ARHGAP15: variants seen among roughly 807,000 people sequenced by gnomAD.
ARHGAP15 encodes Rho GTPase activating protein 15.
In ARHGAP15, 51 loss-of-function variants were observed where a neutral mutation model predicts 63.7. The observed-to-expected ratio is 0.80, with a 90% CI of 0.64 to 1.01. The LOEUF is 1.01. Ranked by LOEUF, ARHGAP15 falls within the 50% of genes least tolerant of loss-of-function variation. The pLI, the probability that ARHGAP15 is intolerant of heterozygous loss-of-function variation, is 0.00. For missense variants in ARHGAP15, 560 were observed against 564.6 expected (o/e 0.99, Z 0.08); for synonymous variants, 191 against 193.8 (o/e 0.99, Z 0.12).
chr2:143,578,112 T>A (rs995322831), intron 11 of ARHGAP15, among the ~76,000 whole-genome samples: 24 of 152,128 alleles, frequency 1.6e-4, no homozygotes, highest in African/African-American at 5.3e-4. Flanking sequence ...TCACAGCAAT[T>A]GATTGGTTCA....
chr2:143,542,658 TTA>T (rs999530464), intron 10 of ARHGAP15, among the ~76,000 whole-genome samples: 8 of 130,116 alleles, frequency 6.1e-5, no homozygotes, highest in South Asian at 2.3e-4. Context: ...ATGATATATA[TTA>T]TATATATGAT....
At chr2:143,239,773 C>G (rs1693788912) in intron 5 of ARHGAP15, among the ~76,000 whole-genome samples, 1 of 151,940 alleles carries the variant, frequency 6.6e-6, no homozygotes, top group Admixed American at 6.6e-5. Flanking sequence ...GGTGGATCAC[C>G]TGAGGTCAGG....
chr2:143,350,726 C>A (rs1441084079), intron 6 of ARHGAP15, among the ~76,000 whole-genome samples: 1 of 143,024 alleles, frequency 7.0e-6, no homozygotes, highest in Non-Finnish European at 1.5e-5. Context: ...GTAGTCCCAA[C>A]TACTCAGAAG....
chr2:143,336,227 C>T (rs1392297130), intron 6 of ARHGAP15, among the ~76,000 whole-genome samples: 2 of 152,036 alleles, frequency 1.3e-5, no homozygotes, highest in Non-Finnish European at 2.9e-5. Flanking sequence ...CAGCCTCCAG[C>T]TTGTAAATGT....
At chr2:143,450,750 A>AT (rs934038783) in intron 8 of ARHGAP15, among the ~76,000 whole-genome samples, 7 of 151,734 alleles carry the variant, frequency 4.6e-5, no homozygotes, top group East Asian at 1.9e-4. Flanking sequence ...GAGAAATGCA[A>AT]TTTTTTTTAC....
chr2:143,275,729 C>T (rs895521850), intron 6 of ARHGAP15, among the ~76,000 whole-genome samples: 1 of 152,146 alleles, frequency 6.6e-6, no homozygotes, highest in African/African-American at 2.4e-5. Context: ...GTTCCCTGGA[C>T]CCGGTAGTCC....
intron 11 of ARHGAP15, among the ~76,000 whole-genome samples, chr2:143,593,893 C>T (rs1697411697): frequency 1.3e-5 from 2 of 152,078 alleles, no homozygotes; most frequent in Non-Finnish European, 2.9e-5. Flanking sequence ...CATTCACATA[C>T]ACGTTACAAA....
intron 13 of ARHGAP15, among the ~76,000 whole-genome samples, chr2:143,726,694 T>C (rs767431831): frequency 6.6e-6 from 1 of 152,234 alleles, no homozygotes. Context: ...GGACGGCACA[T>C]GTTCAAGTGA....
rs1245016456 is a variant in ARHGAP15, at chr2:143,436,948, A to G, written c.609A>G (p.Glu203=). 6.2e-7 allele frequency: 1 copy of G among 1,611,870 alleles called. No homozygotes were observed. The highest frequency in any genetic ancestry group is 8.5e-7 in the Non-Finnish European group (1 of 1,179,286). The change falls in exon 8 of 14, where the codon GAA becomes GAG. Residue 203 remains glutamate (E), a synonymous_variant. Transcript: ENST00000295095. The part of the protein sequence containing the change: ...KDSSCPSRNL[E]LFKIQRSSST... The stretch of plus-strand genomic sequence containing the variant: ...CAAGTTGTCCATCAAGAAACCTGGA[A>G]TTATTCAAAATCCAAAGATCCTCTA...
intron 10 of ARHGAP15, among the ~76,000 whole-genome samples, chr2:143,549,499 A>G (rs1175340354): frequency 6.6e-6 from 1 of 152,160 alleles, no homozygotes; most frequent in Non-Finnish European, 1.5e-5. Context: ...GAGAATAACC[A>G]AACTTGGAGT....
At chr2:143,749,927 A>G (rs1031285262) in intron 13 of ARHGAP15, among the ~76,000 whole-genome samples, 1 of 152,162 alleles carries the variant, frequency 6.6e-6, no homozygotes, top group Admixed American at 6.5e-5. Context: ...TCATTAACCA[A>G]GAAGTCCCTA....
intron 6 of ARHGAP15, among the ~76,000 whole-genome samples, chr2:143,300,729 C>T (rs2105150308): frequency 6.6e-6 from 1 of 152,158 alleles, no homozygotes. Context: ...ATCTCATCCC[C>T]TTACATTCCA....
chr2:143,203,174 C>T (rs145034768), intron 3 of ARHGAP15, among the ~76,000 whole-genome samples: 1 of 152,106 alleles, frequency 6.6e-6, no homozygotes, highest in African/African-American at 2.4e-5. Context: ...CCATCCTTAG[C>T]ACCAACAATA....
chr2:143,685,389 A>AGAC (rs1390881718), intron 12 of ARHGAP15, among the ~76,000 whole-genome samples: 1 of 152,190 alleles, frequency 6.6e-6, no homozygotes, highest in African/African-American at 2.4e-5. Context: ...TTTTCAGGAT[A>AGAC]GACACATTCA....
intron 9 of ARHGAP15, among the ~76,000 whole-genome samples, chr2:143,517,577 C>CAAT (rs1693878532): frequency 6.6e-6 from 1 of 152,044 alleles, no homozygotes; most frequent in Non-Finnish European, 1.5e-5. Context: ...ACTCAGGATC[C>CAAT]AATAATAAAT....
intron 6 of ARHGAP15, among the ~76,000 whole-genome samples, chr2:143,265,199 C>A (rs1458490693): frequency 6.7e-6 from 1 of 149,454 alleles, no homozygotes; most frequent in Non-Finnish European, 1.5e-5. Flanking sequence ...TCCTGAAAAT[C>A]AGAGAAAATT....
chr2:143,528,848 A>G, intron 10 of ARHGAP15, among the ~76,000 whole-genome samples: 1 of 152,040 alleles, frequency 6.6e-6, no homozygotes, highest in East Asian at 1.9e-4. Flanking sequence ...GATGTATTTG[A>G]TATTACATAG....
intron 13 of ARHGAP15, among the ~76,000 whole-genome samples, chr2:143,744,413 A>C (rs952429586): frequency 6.6e-6 from 1 of 152,242 alleles, no homozygotes; most frequent in Non-Finnish European, 1.5e-5. Flanking sequence ...AAGCACCATA[A>C]GTAATAATGA....
At chr2:143,673,243 G>A (rs1032932317) in intron 12 of ARHGAP15, among the ~76,000 whole-genome samples, 2 of 152,182 alleles carry the variant, frequency 1.3e-5, no homozygotes, top group East Asian at 1.9e-4. Context: ...ACAGAGTGTA[G>A]ACTACCTTTG....
Sources: gnomAD v4.1 joint callset for allele counts (sites outside exome capture counted in the v4.1 genomes callset) on GRCh38, gnomAD v4.1.1 for gene constraint, MANE v1.5 for transcripts, NCBI Gene and HGNC (gene_info 2026-07-23, HGNC 2026-07-21) for gene names.